The following PTPRG variants were observed in gnomAD, a reference collection of about 807,000 sequenced individuals.
PTPRG encodes protein tyrosine phosphatase receptor type G.
A neutral mutation model predicts 165.3 loss-of-function variants in PTPRG; 102 were observed. The observed-to-expected ratio is 0.62, with a 90% CI of 0.53 to 0.73. The LOEUF (loss-of-function observed/expected upper bound fraction) is 0.73. PTPRG is among the 30% of genes least tolerant of loss of function. PTPRG has a pLI of 0.00. For synonymous variants in PTPRG, 675 were observed against 669.5 expected (o/e 1.01, Z -0.13); for missense variants, 1,866 against 1,861.4 (o/e 1.00, Z -0.05).
chr3:61,602,368 A>G (rs979166527), intron 1 of PTPRG, among the ~76,000 whole-genome samples: 2 of 152,140 alleles, frequency 1.3e-5, no homozygotes, highest in African/African-American at 4.8e-5. Flanking sequence ...AGTGTACACA[A>G]TCCAGAGGGA....
intron 1 of PTPRG, among the ~76,000 whole-genome samples, chr3:61,674,650 G>A (rs556637936): frequency 1.3e-5 from 2 of 152,200 alleles, no homozygotes; most frequent in African/African-American, 2.4e-5. Flanking sequence ...GCTGTTTGTT[G>A]AATTGGTTGA....
chr3:61,897,447 G>T (rs1010694540), intron 2 of PTPRG, among the ~76,000 whole-genome samples: 1 of 152,044 alleles, frequency 6.6e-6, no homozygotes, highest in African/African-American at 2.4e-5. Flanking sequence ...ATTGATTGAT[G>T]TCCCTATCTC....
At chr3:61,934,152 C>G (rs944884111) in intron 2 of PTPRG, among the ~76,000 whole-genome samples, 7 of 152,134 alleles carry the variant, frequency 4.6e-5, no homozygotes, top group African/African-American at 1.7e-4. Context: ...AGAAAGGTGC[C>G]AGTCTTAAGC....
At chr3:61,993,829 T>G (rs1158045550) in intron 3 of PTPRG, among the ~76,000 whole-genome samples, 1 of 152,198 alleles carries the variant, frequency 6.6e-6, no homozygotes, top group Non-Finnish European at 1.5e-5. Context: ...TAAAATAGAC[T>G]CTGTCTTTTG....
At chr3:61,999,161 T>C (rs1373393451) in intron 3 of PTPRG, among the ~76,000 whole-genome samples, 1 of 152,154 alleles carries the variant, frequency 6.6e-6, no homozygotes, top group Non-Finnish European at 1.5e-5. Context: ...TTTTCCTGCC[T>C]CAGCCTGCCA....
intron 2 of PTPRG, among the ~76,000 whole-genome samples, chr3:61,843,210 A>G (rs550182251): frequency 6.6e-5 from 10 of 152,356 alleles, no homozygotes; most frequent in African/African-American, 2.4e-4. Flanking sequence ...TCTATAGCCC[A>G]TCTGAAGCAA....
intron 6 of PTPRG, among the ~76,000 whole-genome samples, chr3:62,155,724 C>G (rs1178909912): frequency 6.6e-6 from 1 of 152,168 alleles, no homozygotes; most frequent in Non-Finnish European, 1.5e-5. Flanking sequence ...TTTGCATTAT[C>G]CCCTAGTTAC....
intron 1 of PTPRG, among the ~76,000 whole-genome samples, chr3:61,686,061 C>G (rs1452520287): frequency 1.3e-5 from 2 of 152,136 alleles, no homozygotes; most frequent in African/African-American, 4.8e-5. Context: ...ACTTGGTGCT[C>G]GTTACCTCAT....
intron 1 of PTPRG, among the ~76,000 whole-genome samples, chr3:61,714,407 C>A (rs1166835336): frequency 2.0e-5 from 3 of 152,114 alleles, no homozygotes; most frequent in Non-Finnish European, 4.4e-5. Context: ...TGTTCTTCCT[C>A]CCTGATAGCT....
At chr3:61,653,212 G>C (rs60537846) in intron 1 of PTPRG, among the ~76,000 whole-genome samples, 1 of 151,860 alleles carries the variant, frequency 6.6e-6, no homozygotes, top group African/African-American at 2.4e-5. Flanking sequence ...TAGGAAAGAC[G>C]TATTGTACAT....
intron 2 of PTPRG, among the ~76,000 whole-genome samples, chr3:61,790,099 G>C (rs1357730320): frequency 5.3e-5 from 8 of 152,192 alleles, no homozygotes; most frequent in Non-Finnish European, 8.8e-5. Context: ...TAGCTCAGTG[G>C]AGTAGACTGG....
chr3:61,979,942 T>C (rs1375495041), intron 2 of PTPRG, among the ~76,000 whole-genome samples: 5 of 152,032 alleles, frequency 3.3e-5, no homozygotes, highest in South Asian at 2.1e-4. Flanking sequence ...TTTTTTTTTT[T>C]CCTCTCAGCC....
intron 2 of PTPRG, among the ~76,000 whole-genome samples, chr3:61,975,061 A>G (rs1239631657): frequency 9.4e-6 from 1 of 106,728 alleles, no homozygotes; most frequent in Admixed American, 8.1e-5. Context: ...ACCAAATAGC[A>G]TAACCTTTCT....
intron 2 of PTPRG, 93 bp from the exon 3 acceptor site, chr3:61,989,532 G>A: frequency 8.2e-7 from 1 of 1,220,130 alleles, no homozygotes. Flanking sequence ...TTGGGGACAT[G>A]TTGAGAGATG....
intron 4 of PTPRG, among the ~76,000 whole-genome samples, chr3:62,009,790 G>T (rs1317159434): frequency 6.6e-6 from 1 of 152,156 alleles, no homozygotes; most frequent in African/African-American, 2.4e-5. Context: ...AGCCTGTCTA[G>T]GGTTTGAGGC....
chr3:62,024,499 T>C (rs1331373971), intron 4 of PTPRG, among the ~76,000 whole-genome samples: 1 of 152,208 alleles, frequency 6.6e-6, no homozygotes, highest in African/African-American at 2.4e-5. Flanking sequence ...TTTAATTTTC[T>C]ACTCCATCAC....
intron 4 of PTPRG, among the ~76,000 whole-genome samples, chr3:62,072,455 C>G (rs188251100): frequency 4.1e-4 from 63 of 152,258 alleles, no homozygotes; most frequent in African/African-American, 1.5e-3. Flanking sequence ...TTCCACAAGG[C>G]AGAGTTGAAT....
At chr3:61,814,933 G>T (rs1009528596) in intron 2 of PTPRG, among the ~76,000 whole-genome samples, 13 of 151,944 alleles carry the variant, frequency 8.6e-5, no homozygotes, top group African/African-American at 3.1e-4. Flanking sequence ...AGATGCTGAA[G>T]CTTAGAGTGG....
At chr3:62,274,041 T>C (rs1040998023) in intron 23 of PTPRG, among the ~76,000 whole-genome samples, 197 bp downstream of exon 23, 4 of 152,218 alleles carry the variant, frequency 2.6e-5, no homozygotes, top group African/African-American at 7.2e-5. Flanking sequence ...CAAGTAGATA[T>C]ACAGTGTTGT....
Sources: gnomAD v4.1 joint callset for allele counts (sites outside exome capture counted in the v4.1 genomes callset) on GRCh38, gnomAD v4.1.1 for gene constraint, MANE v1.5 for transcripts, NCBI Gene and HGNC (gene_info 2026-07-23, HGNC 2026-07-21) for gene names.